The following ARHGAP15 variants were observed in gnomAD, a reference collection of about 807,000 sequenced individuals.
ARHGAP15 encodes the protein rho GTPase-activating protein 15.
ARHGAP15 carries 51 observed loss-of-function variants against 63.7 expected under a neutral mutation model. The observed-to-expected ratio is 0.80, with a 90% CI of 0.64 to 1.01. The LOEUF (loss-of-function observed/expected upper bound fraction) is 1.01. Among genes scored for constraint, ARHGAP15 ranks in the 50% least tolerant of loss-of-function variants. The pLI, the probability that ARHGAP15 is intolerant of heterozygous loss-of-function variation, is 0.00. For synonymous variants in ARHGAP15, 191 were observed against 193.8 expected (o/e 0.99, Z 0.12); for missense variants, 560 against 564.6 (o/e 0.99, Z 0.08).
chr2:143,596,982 T>G (rs996417552), intron 11 of ARHGAP15, among the ~76,000 whole-genome samples: 2 of 152,138 alleles, frequency 1.3e-5, no homozygotes, highest in African/African-American at 4.8e-5. Flanking sequence ...AAGAACCATT[T>G]ATTATCCTCA....
At chr2:143,547,454 C>A (rs1274705455) in intron 10 of ARHGAP15, among the ~76,000 whole-genome samples, 2 of 151,972 alleles carry the variant, frequency 1.3e-5, no homozygotes, top group Non-Finnish European at 2.9e-5. Flanking sequence ...TATACACAAA[C>A]AAGCCTGATC....
intron 6 of ARHGAP15, among the ~76,000 whole-genome samples, chr2:143,327,514 T>A (rs10460252): frequency 0.59 from 90,042 of 152,018 alleles, 27,848 homozygotes; most frequent in African/African-American, 0.77. Context: ...AGGCTACAGT[T>A]AACAAAACAG....
intron 6 of ARHGAP15, among the ~76,000 whole-genome samples, chr2:143,370,160 A>G (rs139801293): frequency 6.9e-4 from 105 of 152,286 alleles, no homozygotes; most frequent in Admixed American, 1.3e-3. Context: ...CTTAACAAAC[A>G]GGACTTATGC....
intron 3 of ARHGAP15, 140 bp downstream of exon 3, chr2:143,202,342 A>G: frequency 1.5e-6 from 1 of 670,724 alleles, no homozygotes; most frequent in South Asian, 1.8e-5. Context: ...AGAGGGATCT[A>G]GCTTGGAGTC....
chr2:143,448,783 C>A (rs1690263467), intron 8 of ARHGAP15, among the ~76,000 whole-genome samples: 1 of 151,882 alleles, frequency 6.6e-6, no homozygotes, highest in Non-Finnish European at 1.5e-5. Flanking sequence ...AATATGGCCT[C>A]TCCAGCCCAA....
intron 6 of ARHGAP15, among the ~76,000 whole-genome samples, chr2:143,293,563 C>T (rs1473253300): frequency 6.6e-6 from 1 of 151,910 alleles, no homozygotes; most frequent in African/African-American, 2.4e-5. Context: ...TTTATTTCGG[C>T]AGAGGATAGA....
chr2:143,378,977 T>A (rs35999867), intron 6 of ARHGAP15, among the ~76,000 whole-genome samples: 29,769 of 151,746 alleles, frequency 0.2, 3,337 homozygotes, highest in Admixed American at 0.32. Context: ...TTTTAATTAT[T>A]TTTTTATTTT....
intron 1 of ARHGAP15, among the ~76,000 whole-genome samples, chr2:143,147,283 T>G (rs1689630282): frequency 6.6e-6 from 1 of 152,044 alleles, no homozygotes; most frequent in Non-Finnish European, 1.5e-5. Context: ...GAGCTGATGT[T>G]TTCTCTTTAA....
chr2:143,666,570 G>A (rs1161493322), intron 12 of ARHGAP15, among the ~76,000 whole-genome samples: 1 of 134,860 alleles, frequency 7.4e-6, no homozygotes, highest in African/African-American at 2.7e-5. Flanking sequence ...TTGACAAATG[G>A]GATCTAATTA....
At chr2:143,130,239 A>G (rs995469346) in intron 1 of ARHGAP15, among the ~76,000 whole-genome samples, 7 of 152,142 alleles carry the variant, frequency 4.6e-5, no homozygotes, top group Non-Finnish European at 5.9e-5. Context: ...AGAAATGAAA[A>G]GGATTTGTTA....
At chr2:143,156,217 A>G (rs1408584150) in intron 2 of ARHGAP15, among the ~76,000 whole-genome samples, 1 of 151,918 alleles carries the variant, frequency 6.6e-6, no homozygotes, top group Non-Finnish European at 1.5e-5. Flanking sequence ...AAGATTTGAA[A>G]TAAAATAGTT....
At chr2:143,674,561 C>T (rs1196578906) in intron 12 of ARHGAP15, among the ~76,000 whole-genome samples, 1 of 152,134 alleles carries the variant, frequency 6.6e-6, no homozygotes, top group Non-Finnish European at 1.5e-5. Context: ...TGAGGGCCTA[C>T]ATTTATCAAA....
intron 9 of ARHGAP15, among the ~76,000 whole-genome samples, chr2:143,513,580 AT>A (rs1194398866): frequency 6.6e-6 from 1 of 152,150 alleles, no homozygotes; most frequent in African/African-American, 2.4e-5. Context: ...TACTGAAACC[AT>A]TTTTCTTAAG....
intron 6 of ARHGAP15, among the ~76,000 whole-genome samples, chr2:143,259,934 T>C (rs995767787): frequency 2.6e-5 from 4 of 152,204 alleles, no homozygotes; most frequent in African/African-American, 9.6e-5. Flanking sequence ...AAAGATATGC[T>C]ATTTTGCTTA....
intron 6 of ARHGAP15, among the ~76,000 whole-genome samples, chr2:143,385,936 G>C (rs973950183): frequency 1.8e-4 from 27 of 152,072 alleles, no homozygotes; most frequent in Non-Finnish European, 3.8e-4. Flanking sequence ...AGTTGTGTTT[G>C]ATAGTGGAAC....
At chr2:143,723,070 A>G (rs183852154) in intron 13 of ARHGAP15, among the ~76,000 whole-genome samples, 1 of 152,324 alleles carries the variant, frequency 6.6e-6, no homozygotes, top group Non-Finnish European at 1.5e-5. Context: ...TCTATATTTC[A>G]ATACACAAAT....
chr2:143,131,208 A>C (rs889709111), intron 1 of ARHGAP15, among the ~76,000 whole-genome samples: 1 of 152,214 alleles, frequency 6.6e-6, no homozygotes, highest in African/African-American at 2.4e-5. Context: ...TCAATGAGTA[A>C]AGATGATAGG....
At position 143,437,062 on chromosome 2, in the gene ARHGAP15, T is replaced by G. The variant is rs566248331; in HGVS notation, c.703+20T>G. ...CTTTAAGTGAGTATTTTCTTTGACT[T>G]GCTCATTTTAAGTTTGTCTAAATGC... On this transcript the variant is annotated intron_variant, in intron 8 of 13. Transcript: ENST00000295095. 7 of 1,585,280 alleles carry G rather than the reference T, an allele frequency of 4.4e-6. No homozygotes were observed. In the South Asian group the frequency reaches 8.2e-5, roughly 19 times the overall value.
chr2:143,491,374 A>G (rs757606353), intron 9 of ARHGAP15, among the ~76,000 whole-genome samples: 1 of 152,244 alleles, frequency 6.6e-6, no homozygotes, highest in Admixed American at 6.5e-5. Context: ...TTTAGAGAAG[A>G]TAACCATTGT....
Sources: allele counts gnomAD v4.1 joint callset (sites outside exome capture counted in the v4.1 genomes callset), GRCh38; gene constraint gnomAD v4.1.1; transcripts MANE v1.5; gene names NCBI Gene and HGNC (gene_info 2026-07-23, HGNC 2026-07-21).